Variants in CIITA observed in about 807,000 individuals in gnomAD.
CIITA encodes the protein class II major histocompatibility complex transactivator.
A neutral mutation model predicts 115.1 loss-of-function variants in CIITA; 72 were observed. The observed-to-expected ratio is 0.63, with a 90% CI of 0.52 to 0.76. The LOEUF (loss-of-function observed/expected upper bound fraction) is 0.76. Among genes scored for constraint, CIITA ranks in the 30% least tolerant of loss-of-function variants. CIITA has a pLI of 0.00. For missense variants in CIITA, 1,617 were observed against 1,463.8 expected (o/e 1.10, Z -1.71); for synonymous variants, 763 against 635.6 (o/e 1.20, Z -3.02).
Position 10,902,803 on chromosome 16 carries a change from T to G in CIITA, c.772+2T>G. 6.2e-7 allele frequency: 1 copy of G among 1,614,136 alleles called. No homozygotes were observed. Among genetic ancestry groups the G allele is most frequent in the East Asian group, 2.2e-5 (1 of 44,866 alleles). On this transcript the variant is annotated splice_donor_variant, in intron 8 of 19. Coordinates refer to ENST00000324288, the MANE Select transcript of CIITA (RefSeq NM_000246.4). LOFTEE classifies it high-confidence loss of function. Reference sequence around the variant, plus strand: ...TCTCCAGTATATTCATCTACCATGGTGAGTGCGGGGCCTGGCTCCCCGACC... The same window carrying G: ...TCTCCAGTATATTCATCTACCATGGGGAGTGCGGGGCCTGGCTCCCCGACC...
chr16:10,902,914 G>T (rs1441516675), intron 8 of CIITA, 113 bp downstream of exon 8: 4 of 1,273,168 alleles, frequency 3.1e-6, no homozygotes, highest in African/African-American at 1.5e-5. Context: ...ACCTTCTCAT[G>T]ATCCTCCCTC....
At chr16:10,873,954 C>T (rs1301872052), upstream of CIITA, among the ~76,000 whole-genome samples, 3 of 151,990 alleles carry the variant, frequency 2.0e-5, no homozygotes, top group Non-Finnish European at 4.4e-5. Flanking sequence ...TTTGTTGTTG[C>T]TGTTGTTGTG....
rs1033904354 is a variant in CIITA, at chr16:10,892,323, C to CA, written c.53-2948dup. Among the ~76,000 whole-genome samples, 1,125 of 132,434 alleles carry CA rather than the reference C, an allele frequency of 8.5e-3. 12 individuals are homozygous for CA. Among genetic ancestry groups the CA allele is most frequent in the African/African-American group, 0.028 (990 of 35,936 alleles). 86.9% of individuals were successfully genotyped at this position (132,434 alleles called of 152,430 possible). A position where few individuals can be genotyped will look rare whatever the true frequency, so the allele number is the denominator to read the frequency against. ...TGGGCGACAGAGTGAGACTCTGTCT[C>CA]AAAAAAAAAAAGAAAAAGAAAATGA... On this transcript the variant is annotated intron_variant, in intron 1 of 19. Coordinates refer to ENST00000324288, the MANE Select transcript of CIITA (RefSeq NM_000246.4).
At chr16:10,917,835 C>G (rs1439960246) in intron 15 of CIITA, among the ~76,000 whole-genome samples, 1 of 152,226 alleles carries the variant, frequency 6.6e-6, no homozygotes, top group Non-Finnish European at 1.5e-5. Flanking sequence ...CACTCCCCCT[C>G]ACAACCAAGG....
Position 10,907,046 on chromosome 16 carries a change from A to G in CIITA, c.1554A>G (p.Ala518=). The G allele has an allele frequency of 6.2e-7, 1 of 1,607,354 alleles. No individual in the cohort carries two copies. Among genetic ancestry groups the G allele is most frequent in the Non-Finnish European group, 8.5e-7 (1 of 1,179,946 alleles). Residue 518 remains alanine, a synonymous_variant, in exon 11 of 20, where the codon GCA becomes GCG. Coordinates refer to ENST00000324288, the MANE Select transcript of CIITA (RefSeq NM_000246.4). The surrounding 1 kb of genome is among the most constrained non-coding windows in gnomAD (Gnocchi z 5.0). ...TCCTGCACAGCACGTGCGGACCGGC[A>G]CCGGCGGAGCCCTGCTCCCTCCGGG... ...DGFLHSTCGP[A]PAEPCSLRGL...
Position 10,906,562 on chromosome 16 carries a change from A to G in CIITA, c.1070A>G (p.Asp357Gly). ...DTYGAEPAGPDGILVEVDLVQ... is the reference protein window; with the variant it reads ...DTYGAEPAGPGGILVEVDLVQ... ...TATGGTGCCGAGCCCGCAGGCCCGG[A>G]TGGCATCCTAGTGGAGGTGGATCTG... The change falls in exon 11 of 20, where the codon GAT (aspartate) becomes GGT (glycine). Residue 357 changes from aspartate (D) to glycine (G), a missense_variant. Asp to Gly is a moderately conservative substitution (Grantham distance 94). Coordinates refer to ENST00000324288, the MANE Select transcript of CIITA (RefSeq NM_000246.4). The G allele has an allele frequency of 6.2e-7, 1 of 1,613,204 alleles. No homozygotes were observed. The highest frequency in any genetic ancestry group is 1.1e-5 in the South Asian group (1 of 91,046).
intron 1 of CIITA, among the ~76,000 whole-genome samples, chr16:10,877,895 G>C (rs374892336): frequency 8.5e-5 from 13 of 152,310 alleles, no homozygotes; most frequent in African/African-American, 2.9e-4. Flanking sequence ...TTTAAAAAGG[G>C]TCAGGGGACG....
At chr16:10,915,361 C>G (rs531666629) in intron 13 of CIITA, among the ~76,000 whole-genome samples, 1 of 152,214 alleles carries the variant, frequency 6.6e-6, no homozygotes, top group African/African-American at 2.4e-5. Flanking sequence ...CAACTGGCCT[C>G]TTATGGGGGG....
chr16:10,910,057 G>A (rs2039452790), intron 12 of CIITA, 131 bp from the exon 13 acceptor site: 1 of 735,718 alleles, frequency 1.4e-6, no homozygotes, highest in Admixed American at 2.1e-5. Context: ...TTAAGAGGGG[G>A]ACAACAGTTG....
rs773108670 is a variant in CIITA at position 10,902,666 on chromosome 16, T to C, written c.637T>C (p.Ser213Pro). The C allele has an allele frequency of 6.2e-7, 1 of 1,614,224 alleles. No homozygotes were observed. The highest frequency in any genetic ancestry group is 8.5e-7 in the Non-Finnish European group (1 of 1,180,036). ...GCCTTTGTCTCTTGCAGTGCCTTTC[T>C]CCAGTTCCTCGTTGAGCTGCCTGAA... ...EKTDQIPMPF[S>P]SSSLSCLNLP... Residue 213 changes from serine (S) to proline (P), a missense_variant, in exon 8 of 20, where the codon TCC (serine) becomes CCC (proline). Physicochemically the swap from Ser to Pro is moderately conservative, Grantham distance 74. Coordinates refer to ENST00000324288, the MANE Select transcript of CIITA (RefSeq NM_000246.4).
Position 10,942,361 on chromosome 16 carries a change from G to C in CIITA, n.1487G>C, listed in dbSNP as rs529197150. On this transcript the variant is annotated non_coding_transcript_exon_variant, in exon 2 of 2. Transcript: ENST00000573379. This position sits in a 1 kb window ranked among gnomAD's most constrained non-coding sequence, Gnocchi z 5.0. ...CGGCTCAGTGTCTAGGGCCGGTCCC[G>C]GCAGCCTTCTCTCCCGCCCCGCCCC... 2.1e-5 allele frequency: 4 copies of C among 189,152 alleles called. No individual in the cohort carries two copies. The South Asian group carries it at 3.9e-4, about 18-fold the overall frequency. 11.7% of individuals were successfully genotyped at this position (189,152 alleles called of 1,614,324 possible).
At chr16:10,904,710 A>G in intron 9 of CIITA, 34 bp from the exon 10 acceptor site, 1 of 1,613,536 alleles carries the variant, frequency 6.2e-7, no homozygotes, top group East Asian at 2.2e-5. Context: ...GGTAACCCTC[A>G]CCCTAAATCT....
chr16:10,902,247 C>T lies in CIITA; in HGVS notation c.628+63C>T. ...TCTTGGGAGGTGGATAAGGAGTTGA[C>T]ACTAAGGCAGGGACTGTCAGGAACT... On this transcript the variant is annotated intron_variant, in intron 7 of 19. Transcript: ENST00000324288. The T allele has an allele frequency of 2.5e-6, 4 of 1,602,530 alleles. No individual in the cohort carries two copies. The Admixed American group carries it at 5.0e-5, about 20-fold the overall frequency.
rs185178042 is a variant in CIITA at position 10,918,361 on chromosome 16, T to G, written c.3063-79T>G. 342 of 1,251,812 alleles carry G rather than the reference T, an allele frequency of 2.7e-4. 3 individuals carry two copies. The African/African-American group carries it at 4.5e-3, about 16-fold the overall frequency. The allele number at this position is 1,251,812 out of a possible 1,614,324, so 77.5% of individuals were successfully genotyped here. A position where few individuals can be genotyped will look rare whatever the true frequency, so the allele number is the denominator to read the frequency against. On this transcript the variant is annotated intron_variant, in intron 15 of 19. Coordinates refer to ENST00000324288, the MANE Select transcript of CIITA (RefSeq NM_000246.4). ...TGTCGACAGCGCCATTCACAGCCTATGACCCAGAACTCTCCTTGAGGTCAA... is the reference window on the plus strand; with the variant it reads ...TGTCGACAGCGCCATTCACAGCCTAGGACCCAGAACTCTCCTTGAGGTCAA...
Position 10,922,265 on chromosome 16 carries a change from C to A in CIITA, c.3233+15C>A. The A allele has an allele frequency of 1.9e-6, 3 of 1,613,714 alleles. No homozygotes were observed. The highest frequency in any genetic ancestry group is 2.5e-6 in the Non-Finnish European group (3 of 1,179,562). On this transcript the variant is annotated intron_variant, in intron 17 of 19. Transcript: ENST00000324288. ...CGGGTGATGGAGTGAGTGTGGGAGT[C>A]TGGGCGGTGGGTGGCTCAGCCCGGG...
intron 13 of CIITA, among the ~76,000 whole-genome samples, chr16:10,912,084 T>G (rs2039621769): frequency 6.6e-6 from 1 of 152,146 alleles, no homozygotes; most frequent in South Asian, 2.1e-4. Context: ...ATCTAATGAT[T>G]AGGAAGGAGT....
chr16:10,941,147 CCT>C (rs2041097421), downstream of CIITA: 1 of 152,950 alleles, frequency 6.5e-6, no homozygotes, highest in South Asian at 2.1e-4. The surrounding 1 kb of genome is among the most constrained non-coding windows in gnomAD (Gnocchi z 6.4). Context: ...TGCCTGGCTC[CCT>C]GTGTCTTCTG....
At chr16:10,919,826 C>T (rs1021715439) in intron 16 of CIITA, among the ~76,000 whole-genome samples, 2 of 152,136 alleles carry the variant, frequency 1.3e-5, no homozygotes, top group African/African-American at 2.4e-5. Context: ...AGATGTCGTT[C>T]TTGCTTTTGA....
At chr16:10,867,178 A>G (rs555366864) in intron 1 of CIITA, among the ~76,000 whole-genome samples, 260 of 152,180 alleles carry the variant, frequency 1.7e-3, no homozygotes, top group African/African-American at 6.1e-3. Context: ...GGGAAGGCAG[A>G]GGTTGCAATG....
Sources: allele counts gnomAD v4.1 joint callset (sites outside exome capture counted in the v4.1 genomes callset), GRCh38; gene constraint gnomAD v4.1.1; non-coding constraint Gnocchi (gnomAD v3.1); transcripts MANE v1.5; gene names NCBI Gene and HGNC (gene_info 2026-07-23, HGNC 2026-07-21).